TSHZ3: variants seen among roughly 807,000 people sequenced by gnomAD.
The protein encoded by TSHZ3 is teashirt homolog 3.
TSHZ3 carries 10 observed loss-of-function variants against 64.5 expected under a neutral mutation model. That is an observed-to-expected ratio of 0.16 (90% CI 0.10 to 0.26). TSHZ3 has a LOEUF of 0.26. Among genes scored for constraint, TSHZ3 ranks in the 10% least tolerant of loss-of-function variants. TSHZ3 has a pLI of 1.00. For synonymous variants in TSHZ3, 608 were observed against 593.1 expected (o/e 1.03, Z -0.36); for missense variants, 1,242 against 1,421.7 (o/e 0.87, Z 2.03).
intron 1 of TSHZ3, among the ~76,000 whole-genome samples, chr19:31,344,741 G>A (rs988848436): frequency 5.3e-5 from 8 of 152,140 alleles, no homozygotes; most frequent in South Asian, 2.1e-4. Context: ...GGAGGGCGGC[G>A]GTAAAGGAAT....
intron 5 of TSHZ3, chr19:31,195,776 TTATG>T (rs1310741224): frequency 2.0e-5 from 3 of 151,998 alleles, no homozygotes; most frequent in African/African-American, 7.3e-5. Context: ...ATGTATTTGA[TTATG>T]TATGTGTTTT....
chr19:31,152,125 T>TA (rs3834634), intron 6 of TSHZ3, among the ~76,000 whole-genome samples: 1,929 of 147,418 alleles, frequency 0.013, 30 homozygotes, highest in East Asian at 0.068. Context: ...GAATTCTGCT[T>TA]AAAAAAAAAA....
Position 31,279,302 on chromosome 19 carries a change from C to T in TSHZ3, c.491G>A (p.Ser164Asn), listed in dbSNP as rs774479293. The change falls in exon 2 of 2, where the codon AGC becomes AAC. Residue 164 changes from serine to asparagine, a missense_variant. Coordinates refer to ENST00000240587, the MANE Select transcript of TSHZ3 (RefSeq NM_020856.4). The surrounding 1 kb of genome is among the most constrained non-coding windows in gnomAD (Gnocchi z 6.4). ...SSSSSSCGSG[S>N]FDWHQSAMAK... Reference sequence around the variant, plus strand: ...CATGGCGCTCTGGTGCCAGTCGAAGCTCCCGCTGCCACAGCTGCTGCTGCT... The same window carrying T: ...CATGGCGCTCTGGTGCCAGTCGAAGTTCCCGCTGCCACAGCTGCTGCTGCT... 2 of 1,613,732 alleles carry T rather than the reference C, an allele frequency of 1.2e-6. No individual in the cohort carries two copies. Among genetic ancestry groups the T allele is most frequent in the East Asian group, 4.5e-5 (2 of 44,872 alleles).
intron 1 of TSHZ3, among the ~76,000 whole-genome samples, chr19:31,348,313 C>G (rs1015053753): frequency 7.9e-5 from 12 of 152,134 alleles, no homozygotes; most frequent in African/African-American, 2.4e-4. Flanking sequence ...GGCCAGAAAC[C>G]CTTCTTCCAG....
chr19:31,265,075 G>A (rs1419323003), intron 1 of TSHZ3, among the ~76,000 whole-genome samples: 1 of 152,062 alleles, frequency 6.6e-6, no homozygotes, highest in Non-Finnish European at 1.5e-5. Context: ...TGCCCCATTA[G>A]GAGAACCTGC....
At chr19:31,169,124 A>AAGAG (rs796153930) in intron 5 of TSHZ3, among the ~76,000 whole-genome samples, 1 of 151,332 alleles carries the variant, frequency 6.6e-6, no homozygotes, top group African/African-American at 2.4e-5. Context: ...TGAAAAAAAA[A>AAGAG]AGAGAGAGAG....
intron 1 of TSHZ3, among the ~76,000 whole-genome samples, chr19:31,303,906 C>T (rs1976797831): frequency 6.6e-6 from 1 of 152,118 alleles, no homozygotes; most frequent in Admixed American, 6.5e-5. Context: ...AGTGCTATTC[C>T]AGGGCCTTCC....
intron 1 of TSHZ3, among the ~76,000 whole-genome samples, chr19:31,344,785 G>A (rs927551481): frequency 1.3e-5 from 2 of 152,174 alleles, no homozygotes; most frequent in African/African-American, 2.4e-5. Flanking sequence ...TGGGTTTCAC[G>A]GTATTTCCCA....
chr19:31,278,673 A>T lies in TSHZ3; in HGVS notation c.1120T>A (p.Tyr374Asn). 6.2e-7 allele frequency: 1 copy of T among 1,614,132 alleles called. No homozygotes were observed. The highest frequency in any genetic ancestry group is 8.5e-7 in the Non-Finnish European group (1 of 1,180,020). The change falls in exon 2 of 2, where the codon TAT becomes AAT. Residue 374 changes from tyrosine (Y) to asparagine (N), a missense_variant. Physicochemically the swap from Tyr to Asn is moderately radical, Grantham distance 143. This residue lies in a region of TSHZ3 where 555 missense variants were observed against 704.0 expected (regional missense o/e 0.79). Transcript: ENST00000240587. This position sits in a 1 kb window ranked among gnomAD's most constrained non-coding sequence, Gnocchi z 4.7. ...TTCCGGGCCTCAAAGTGCCATGCAT[A>T]GCTGGCCCCATTCTGGTGGCCGTAC... ...NRYGHQNGAS[Y>N]AWHFEARKSQ... is the part of the protein sequence containing the mutation.
At chr19:31,239,568 T>C (rs559399874) in intron 3 of TSHZ3, among the ~76,000 whole-genome samples, 2 of 152,160 alleles carry the variant, frequency 1.3e-5, no homozygotes, top group South Asian at 2.1e-4. Flanking sequence ...CAGGATTTTT[T>C]TTTCATTTAC....
chr19:31,337,257 A>G (rs1225750605), intron 1 of TSHZ3, among the ~76,000 whole-genome samples: 2 of 151,992 alleles, frequency 1.3e-5, no homozygotes, highest in Non-Finnish European at 2.9e-5. Flanking sequence ...GCAATAAATC[A>G]TGTCTCCAGC....
At chr19:31,295,042 C>A (rs995070204) in intron 1 of TSHZ3, among the ~76,000 whole-genome samples, 4 of 152,254 alleles carry the variant, frequency 2.6e-5, no homozygotes, top group South Asian at 4.1e-4. Flanking sequence ...AACAAAAAAA[C>A]CCCTCTATGA....
At chr19:31,256,752 C>T (rs1280539654) in intron 1 of TSHZ3, among the ~76,000 whole-genome samples, 2 of 152,310 alleles carry the variant, frequency 1.3e-5, no homozygotes, top group East Asian at 1.9e-4. Flanking sequence ...CTGCCCTGCC[C>T]GCCTGTCCTC....
chr19:31,273,945 C>T (rs10423964), downstream of TSHZ3, among the ~76,000 whole-genome samples: 50,219 of 151,976 alleles, frequency 0.33, 8,712 homozygotes, highest in African/African-American at 0.43. Flanking sequence ...TCTCTATTTG[C>T]CAAACAACTC....
At chr19:31,152,682 C>A (rs1457387687) in intron 6 of TSHZ3, among the ~76,000 whole-genome samples, 3 of 152,100 alleles carry the variant, frequency 2.0e-5, no homozygotes, top group Middle Eastern at 3.2e-3. Context: ...TCACGATTAT[C>A]CTGTCATGGA....
At chr19:31,325,572 C>T (rs187153419) in intron 1 of TSHZ3, among the ~76,000 whole-genome samples, 65 of 152,282 alleles carry the variant, frequency 4.3e-4, no homozygotes, top group Admixed American at 1.4e-3. Flanking sequence ...TCCCACGCAG[C>T]TGTGGGAAGC....
At chr19:31,187,582 T>G (rs1199434606) in intron 5 of TSHZ3, among the ~76,000 whole-genome samples, 1 of 152,162 alleles carries the variant, frequency 6.6e-6, no homozygotes, top group East Asian at 1.9e-4. Flanking sequence ...CTTTTACACT[T>G]AGGTCTATAA....
chr19:31,328,267 T>G (rs1316185898), intron 1 of TSHZ3, among the ~76,000 whole-genome samples: 1 of 152,252 alleles, frequency 6.6e-6, no homozygotes, highest in Non-Finnish European at 1.5e-5. Flanking sequence ...TCACTCACTC[T>G]GTCCACCTGA....
At chr19:31,224,997 CT>C (rs1909162407) in intron 4 of TSHZ3, among the ~76,000 whole-genome samples, 1 of 152,198 alleles carries the variant, frequency 6.6e-6, no homozygotes, top group South Asian at 2.1e-4. Context: ...CCAAGAGCAG[CT>C]TCTGAACACT....
Sources: gnomAD v4.1 joint callset for allele counts (sites outside exome capture counted in the v4.1 genomes callset) on GRCh38, gnomAD v4.1.1 for gene constraint, gnomAD v4.1.1 regional missense constraint, Gnocchi (gnomAD v3.1) non-coding constraint, MANE v1.5 for transcripts, NCBI Gene and HGNC (gene_info 2026-07-23, HGNC 2026-07-21) for gene names.